The following CNTLN variants were observed in gnomAD, a reference collection of about 807,000 sequenced individuals.
The protein encoded by CNTLN is centlein, centrosomal protein.
A neutral mutation model predicts 180.0 loss-of-function variants in CNTLN; 212 were observed. The observed-to-expected ratio is 1.18, with a 90% confidence interval of 1.05 to 1.32. The LOEUF is 1.32. CNTLN is among the 40% of genes most tolerant of loss of function. CNTLN has a pLI of 0.00. For missense variants in CNTLN, 2,095 were observed against 1,610.9 expected (o/e 1.30, Z -5.14); for synonymous variants, 722 against 563.1 (o/e 1.28, Z -3.99).
intron 12 of CNTLN, among the ~76,000 whole-genome samples, chr9:17,354,106 T>C (rs930766877): frequency 2.0e-5 from 3 of 152,196 alleles, no homozygotes; most frequent in East Asian, 3.9e-4. Context: ...GTGTACTGGG[T>C]CCCGCAGCAG....
intron 18 of CNTLN, among the ~76,000 whole-genome samples, chr9:17,417,446 A>G (rs1422309690): frequency 6.6e-6 from 1 of 152,052 alleles, no homozygotes; most frequent in Non-Finnish European, 1.5e-5. Flanking sequence ...ATGAAAGAAC[A>G]TTTTTTAAAA....
the CNTLN span, among the ~76,000 whole-genome samples, chr9:17,509,600 T>G: frequency 6.6e-6 from 1 of 152,104 alleles, no homozygotes; most frequent in Non-Finnish European, 1.5e-5. Context: ...CAGTGCCAGA[T>G]AGGAAGTAAA....
At chr9:17,392,470 T>C (rs895874520) in intron 14 of CNTLN, among the ~76,000 whole-genome samples, 1 of 152,166 alleles carries the variant, frequency 6.6e-6, no homozygotes, top group Non-Finnish European at 1.5e-5. Flanking sequence ...CTGGCATAGA[T>C]TTTTTTCTTG....
intron 2 of CNTLN, among the ~76,000 whole-genome samples, chr9:17,190,314 T>G (rs1240974369): frequency 5.3e-5 from 8 of 151,904 alleles, no homozygotes; most frequent in Non-Finnish European, 1.0e-4. Context: ...AGGTTCCTGT[T>G]ACTCCCTTAT....
chr9:17,259,152 A>G (rs956367767), intron 5 of CNTLN, among the ~76,000 whole-genome samples: 7 of 147,872 alleles, frequency 4.7e-5, no homozygotes, highest in Non-Finnish European at 1.0e-4. Context: ...CGTCCCATCA[A>G]TACCTAATTT....
intron 2 of CNTLN, chr9:17,167,286 TC>T: frequency 6.5e-6 from 1 of 154,524 alleles, no homozygotes; most frequent in Non-Finnish European, 1.4e-5. Flanking sequence ...TCTTGAGAGT[TC>T]CTACTCTAGA....
At chr9:17,282,678 G>A (rs921092047) in intron 6 of CNTLN, among the ~76,000 whole-genome samples, 2 of 152,022 alleles carry the variant, frequency 1.3e-5, no homozygotes, top group African/African-American at 4.8e-5. Flanking sequence ...TATCCTGAAT[G>A]GTTTCAGTAG....
At chr9:17,194,097 G>A (rs941303931) in intron 2 of CNTLN, among the ~76,000 whole-genome samples, 1 of 152,156 alleles carries the variant, frequency 6.6e-6, no homozygotes, top group Non-Finnish European at 1.5e-5. Context: ...CCCTGGGCCC[G>A]GCCCACAAAA....
At position 17,466,767 on chromosome 9, in the gene CNTLN, T is replaced by C. The variant is rs1212521118; in HGVS notation, c.3731T>C (p.Ile1244Thr). The C allele has an allele frequency of 1.9e-6, 3 of 1,610,846 alleles. No homozygotes were observed. The South Asian group carries it at 3.3e-5, about 18-fold the overall frequency. The change falls in exon 23 of 26, where the codon ATT (isoleucine) becomes ACT (threonine). Residue 1244 changes from isoleucine (I) to threonine (T), a missense_variant. Transcript: ENST00000380647. ...ISETESAMAEIETAASKQLQE... is the reference protein window; with the variant it reads ...ISETESAMAETETAASKQLQE... ...GAGACTGAATCTGCAATGGCAGAAA[T>C]TGAAACAGCAGCATCTAAGCAGCTT...
chr9:17,332,906 A>G (rs991435149), intron 10 of CNTLN, among the ~76,000 whole-genome samples, 176 bp downstream of exon 10: 1 of 152,124 alleles, frequency 6.6e-6, no homozygotes, highest in Admixed American at 6.5e-5. Context: ...ATAAAATAAT[A>G]TAAAATATTT....
Position 17,466,124 on chromosome 9 carries a change from C to T in CNTLN, c.3669+6C>T, listed in dbSNP as rs777549633. ...AAGAGGAGTTAGAAAAAAAGGTATG[C>T]TTTTAAAAAGGGCATTTTAGATTAC... On this transcript the variant is annotated splice_donor_region_variant and intron_variant, in intron 22 of 25. Transcript: ENST00000380647. 1 of 1,594,982 alleles carries T rather than the reference C, an allele frequency of 6.3e-7. No individual in the cohort carries two copies. The highest frequency in any genetic ancestry group is 8.6e-7 in the Non-Finnish European group (1 of 1,168,476).
rs35043839 is a variant in CNTLN, at chr9:17,302,089, TACACAC to T, written c.1146+3763_1146+3768del. ...ATAGTGTACTGACTACACATATGTG[TACACAC>T]ACACACACACACACACACACACACA... On this transcript the variant is annotated intron_variant, in intron 7 of 25. Coordinates refer to ENST00000380647, the MANE Select transcript of CNTLN (RefSeq NM_017738.4). 1.8e-3 allele frequency: 1,679 copies of T among 925,934 alleles called. 4 individuals are homozygous for T. The African/African-American group carries it at 0.019, about 10-fold the overall frequency. The allele number at this position is 925,934 out of a possible 1,614,324, so 57.4% of individuals were successfully genotyped here.
chr9:17,447,831 G>T (rs1830532513), intron 18 of CNTLN: 1 of 153,064 alleles, frequency 6.5e-6, no homozygotes, highest in African/African-American at 2.4e-5. Context: ...GTCCTTAAGT[G>T]ACAGCCCAGG....
intron 18 of CNTLN, among the ~76,000 whole-genome samples, chr9:17,420,107 G>T (rs1179985262): frequency 6.6e-6 from 1 of 152,092 alleles, no homozygotes; most frequent in African/African-American, 2.4e-5. Flanking sequence ...TGGAGTTGGG[G>T]TTTCACCATG....
At chr9:17,333,514 T>C (rs1000327397) in intron 10 of CNTLN, among the ~76,000 whole-genome samples, 2 of 152,128 alleles carry the variant, frequency 1.3e-5, no homozygotes, top group African/African-American at 4.8e-5. Context: ...GCAGTACACA[T>C]GAAGCTCAGA....
intron 12 of CNTLN, among the ~76,000 whole-genome samples, chr9:17,349,915 A>G (rs1822221965): frequency 1.3e-5 from 2 of 152,202 alleles, no homozygotes. Context: ...GGCTTAATTT[A>G]AATAGGGGTA....
intron 5 of CNTLN, among the ~76,000 whole-genome samples, chr9:17,262,761 T>G (rs10962963): frequency 0.24 from 35,541 of 150,910 alleles, 5,428 homozygotes; most frequent in African/African-American, 0.37. Flanking sequence ...AAAAGAAAGA[T>G]TAGGTATCTC....
the CNTLN span, among the ~76,000 whole-genome samples, chr9:17,519,233 G>A: frequency 7.0e-6 from 1 of 141,902 alleles, no homozygotes; most frequent in Admixed American, 7.6e-5. Context: ...AGCCACCACT[G>A]AGATTTGAGT....
chr9:17,173,026 A>G (rs1243636664), intron 2 of CNTLN, among the ~76,000 whole-genome samples: 2 of 152,190 alleles, frequency 1.3e-5, no homozygotes, highest in Admixed American at 1.3e-4. Context: ...GGAGAAAAGG[A>G]AAGTTAATGG....
Sources: gnomAD v4.1 joint callset for allele counts (sites outside exome capture counted in the v4.1 genomes callset) on GRCh38, gnomAD v4.1.1 for gene constraint, MANE v1.5 for transcripts, NCBI Gene and HGNC (gene_info 2026-07-23, HGNC 2026-07-21) for gene names.